SENP8: variants seen among roughly 807,000 people sequenced by gnomAD.
SENP8 encodes the protein sentrin-specific protease 8.
In SENP8, 10 loss-of-function variants were observed where a neutral mutation model predicts 14.4. The observed-to-expected ratio is 0.69, with a 90% CI of 0.43 to 1.18. The LOEUF is 1.18. Among genes scored for constraint, SENP8 ranks in the 50% most tolerant of loss-of-function variants. SENP8 has a pLI of 0.00. For synonymous variants in SENP8, 94 were observed against 95.5 expected (o/e 0.98, Z 0.09); for missense variants, 202 against 249.4 (o/e 0.81, Z 1.28).
upstream of SENP8, chr15:72,117,938 A>G: frequency 2.5e-6 from 1 of 400,960 alleles, no homozygotes; most frequent in Non-Finnish European, 4.4e-6. Context: ...CACGCGTTGG[A>G]CCGCCGCCTC....
chr15:72,139,352 T>C (rs2081357964), intron 1 of SENP8: 1 of 414,070 alleles, frequency 2.4e-6, no homozygotes, highest in African/African-American at 2.0e-5. Context: ...CTCATCATCA[T>C]GTTGAGTAGG....
Position 72,142,027 on chromosome 15 carries a change from C to T in SENP8, c.*1765C>T, listed in dbSNP as rs1169436052. On this transcript the variant is annotated 3_prime_UTR_variant, in exon 2 of 2. Coordinates refer to ENST00000340912, the MANE Select transcript of SENP8 (RefSeq NM_145204.4). ...TATGTTTATTTAAATATCAGAGTAT[C>T]TTCAATCTGAGAATTAAAGCATATG... is the stretch of plus-strand genomic sequence containing the variant. 2.0e-5 allele frequency: 3 copies of T among 152,152 alleles called. No individual in the cohort carries two copies. The highest frequency in any genetic ancestry group is 7.2e-5 in the African/African-American group (3 of 41,440). 9.4% of individuals were successfully genotyped at this position (152,152 alleles called of 1,614,324 possible).
rs1422696554 is a variant in SENP8, at chr15:72,142,370, C to T, written c.*2108C>T. 1 of 152,142 alleles carries T rather than the reference C, an allele frequency of 6.6e-6. No homozygotes were observed. Among genetic ancestry groups the T allele is most frequent in the African/African-American group, 2.4e-5 (1 of 41,422 alleles). 9.4% of individuals were successfully genotyped at this position (152,142 alleles called of 1,614,324 possible). A position where few individuals can be genotyped will look rare whatever the true frequency, so the allele number is the denominator to read the frequency against. ...CTATAGTACCCGGTAAGTTACACACCTGCTTGACCACATACCATTCATGTT... is the reference window on the plus strand; with the variant it reads ...CTATAGTACCCGGTAAGTTACACACTTGCTTGACCACATACCATTCATGTT... On this transcript the variant is annotated 3_prime_UTR_variant, in exon 2 of 2. Coordinates refer to ENST00000340912, the MANE Select transcript of SENP8 (RefSeq NM_145204.4).
upstream of SENP8, chr15:72,118,004 TCG>T (rs2081066204): frequency 2.3e-5 from 9 of 398,688 alleles, no homozygotes; most frequent in Non-Finnish European, 4.0e-5. Context: ...CCGCCGCCTC[TCG>T]CAGTCCGGGC....
chr15:72,135,452 A>G (rs2081318434), intron 1 of SENP8: 1 of 152,152 alleles, frequency 6.6e-6, no homozygotes, highest in Non-Finnish European at 1.5e-5. Flanking sequence ...TATAAAAAAT[A>G]AAAATAGAAA....
chr15:72,125,650 A>AG (rs1164654490), intron 1 of SENP8, among the ~76,000 whole-genome samples: 1 of 152,122 alleles, frequency 6.6e-6, no homozygotes, highest in Non-Finnish European at 1.5e-5. Flanking sequence ...TCCAAAAAAA[A>AG]GAAAGACTAT....
chr15:72,131,502 TATTTA>T (rs2081273392), intron 1 of SENP8, among the ~76,000 whole-genome samples: 1 of 152,246 alleles, frequency 6.6e-6, no homozygotes, highest in Non-Finnish European at 1.5e-5. Flanking sequence ...TATTACTTTT[TATTTA>T]ATTACTTTGT....
rs144370402 is a variant in SENP8 at position 72,131,273 on chromosome 15, G to A, written c.-47-8304G>A. Among the ~76,000 whole-genome samples the A allele has an allele frequency of 6.2e-4, 94 of 152,250 alleles. 2 individuals carry two copies. The East Asian group carries it at 0.015, about 25-fold the overall frequency. On this transcript the variant is annotated intron_variant, in intron 1 of 1. Coordinates refer to ENST00000340912, the MANE Select transcript of SENP8 (RefSeq NM_145204.4). ...CCCTGGCTAGAACCACTGTTTACCTGGTCCAGACCACTCAGTTTACAGATG... is the reference window on the plus strand; with the variant it reads ...CCCTGGCTAGAACCACTGTTTACCTAGTCCAGACCACTCAGTTTACAGATG...
chr15:72,127,045 A>G (rs1329281226), intron 1 of SENP8, among the ~76,000 whole-genome samples: 3 of 152,172 alleles, frequency 2.0e-5, no homozygotes, highest in Non-Finnish European at 4.4e-5. Context: ...AACTTGATTT[A>G]TATTATGTTG....
Position 72,143,471 on chromosome 15 carries a change from AC to A in SENP8, c.*3211del. On this transcript the variant is annotated 3_prime_UTR_variant, in exon 2 of 2. Transcript: ENST00000340912. ...CAAGGATGGTGAATAGCAACAACTA[AC>A]CTTTTTATCACTCTGTAATGTGCAG... 6.6e-6 allele frequency: 1 copy of A among 152,174 alleles called. No homozygotes were observed. The highest frequency in any genetic ancestry group is 1.5e-5 in the Non-Finnish European group (1 of 68,034). 9.4% of individuals were successfully genotyped at this position (152,174 alleles called of 1,614,324 possible).
chr15:72,138,422 T>C (rs1470703792), intron 1 of SENP8, among the ~76,000 whole-genome samples: 2 of 150,300 alleles, frequency 1.3e-5, no homozygotes, highest in Non-Finnish European at 3.0e-5. Context: ...TGATCTCAGC[T>C]CACTGCAACC....
At chr15:72,127,782 A>T (rs1596646710) in intron 1 of SENP8, among the ~76,000 whole-genome samples, 1 of 152,298 alleles carries the variant, frequency 6.6e-6, no homozygotes, top group Admixed American at 6.5e-5. Context: ...GACTAAGGTG[A>T]TAGTAGTGAA....
At chr15:72,117,566 C>CGCGGGGCGTCTCCGCTGGGACGGG (rs2081041301), upstream of SENP8, 4 of 375,222 alleles carry the variant, frequency 1.1e-5, no homozygotes, top group Non-Finnish European at 1.9e-5. Flanking sequence ...CAGACCCGCT[C>CGCGGGGCGTCTCCGCTGGGACGGG]GCGGGGCGTC....
intron 1 of SENP8, among the ~76,000 whole-genome samples, chr15:72,130,552 T>A (rs1412794436): frequency 7.0e-6 from 1 of 142,744 alleles, no homozygotes; most frequent in Middle Eastern, 3.3e-3. Flanking sequence ...CTAGAATGTT[T>A]TAGGATTTTT....
At chr15:72,115,541 G>A (rs568924166), upstream of SENP8, among the ~76,000 whole-genome samples, 9 of 152,196 alleles carry the variant, frequency 5.9e-5, no homozygotes, top group African/African-American at 1.9e-4. Flanking sequence ...ACTCAACTCC[G>A]AATATCCAAG....
intron 1 of SENP8, among the ~76,000 whole-genome samples, chr15:72,130,884 CA>C (rs755283774): frequency 3.3e-4 from 50 of 152,102 alleles, no homozygotes; most frequent in Non-Finnish European, 4.7e-4. Context: ...AACAGGATGA[CA>C]GAATTTAAAA....
intron 1 of SENP8, among the ~76,000 whole-genome samples, chr15:72,132,020 G>A (rs764415482): frequency 6.6e-6 from 1 of 152,154 alleles, no homozygotes; most frequent in Non-Finnish European, 1.5e-5. Context: ...GTAACAACCT[G>A]TGATTATGTT....
chr15:72,118,236 G>C (rs1033538621), upstream of SENP8: 1 of 335,284 alleles, frequency 3.0e-6, no homozygotes. Context: ...AGAGTACAGC[G>C]TGCGCTTGCG....
At chr15:72,119,542 A>G (rs1294926375) in intron 1 of SENP8, among the ~76,000 whole-genome samples, 1 of 152,154 alleles carries the variant, frequency 6.6e-6, no homozygotes, top group Non-Finnish European at 1.5e-5. Context: ...AGGTCAAGAG[A>G]TCGAGACCAT....
Sources: allele counts gnomAD v4.1 joint callset (sites outside exome capture counted in the v4.1 genomes callset), GRCh38; gene constraint gnomAD v4.1.1; transcripts MANE v1.5; gene names NCBI Gene and HGNC (gene_info 2026-07-23, HGNC 2026-07-21).